Variants in DSCAM observed in about 807,000 individuals in gnomAD.
The protein encoded by DSCAM is DS cell adhesion molecule.
In DSCAM, 47 loss-of-function variants were observed where a neutral mutation model predicts 217.7. That is an observed-to-expected ratio of 0.22 (90% CI 0.17 to 0.28). DSCAM has a LOEUF of 0.28. Among genes scored for constraint, DSCAM ranks in the 10% least tolerant of loss-of-function variants. The pLI is 1.00. For synonymous variants in DSCAM, 1,056 were observed against 1,015.3 expected, an observed-to-expected ratio of 1.04 and a Z score of -0.76; for missense variants, 2,080 against 2,618.3, an observed-to-expected ratio of 0.79 and a Z score of 4.49.
chr21:40,662,162 A>G (rs2090145656), intron 3 of DSCAM, among the ~76,000 whole-genome samples: 1 of 152,196 alleles, frequency 6.6e-6, no homozygotes, highest in Non-Finnish European at 1.5e-5. Flanking sequence ...AACACTGTGA[A>G]AAGACAGAAG....
At chr21:40,327,888 C>A (rs1370549827) in intron 8 of DSCAM, among the ~76,000 whole-genome samples, 1 of 152,066 alleles carries the variant, frequency 6.6e-6, no homozygotes, top group Non-Finnish European at 1.5e-5. Context: ...AAAACAATCT[C>A]ATTTACAATA....
intron 8 of DSCAM, among the ~76,000 whole-genome samples, chr21:40,334,713 T>A (rs1422535774): frequency 9.6e-6 from 1 of 104,348 alleles, no homozygotes; most frequent in Non-Finnish European, 2.0e-5. Context: ...GCAAATATAG[T>A]GCACCACAAC....
rs549524045 is a variant in DSCAM, at chr21:40,153,605, G to A, written c.3019-8874C>T. Among the ~76,000 whole-genome samples, 15 of 152,298 alleles carry A rather than the reference G, an allele frequency of 9.8e-5. No individual in the cohort carries two copies. In the East Asian group the frequency reaches 2.9e-3, roughly 29 times the overall value. On this transcript the variant is annotated intron_variant, in intron 16 of 32. Coordinates refer to ENST00000400454, the MANE Select transcript of DSCAM (RefSeq NM_001389.5). ...ATATCTACGGGACAGAACCTATGGA[G>A]CCTGTATGTAGTGGTATGGTGCGCT... is the stretch of plus-strand genomic sequence containing the variant.
chr21:40,050,580 T>A (rs2088914487), intron 30 of DSCAM, among the ~76,000 whole-genome samples: 1 of 152,058 alleles, frequency 6.6e-6, no homozygotes, highest in Non-Finnish European at 1.5e-5. Context: ...CCTCCCAGGT[T>A]CACGCCATTC....
chr21:40,386,167 C>A (rs565953223), intron 3 of DSCAM, among the ~76,000 whole-genome samples: 1 of 151,976 alleles, frequency 6.6e-6, no homozygotes, highest in Non-Finnish European at 1.5e-5. Flanking sequence ...TGCCTAGGCC[C>A]GCCTCACCGC....
intron 1 of DSCAM, among the ~76,000 whole-genome samples, chr21:40,771,007 TCATGGTAAACACGAGGCAGCCTGGA>T (rs1381413195): frequency 6.6e-6 from 1 of 152,162 alleles, no homozygotes; most frequent in Non-Finnish European, 1.5e-5. Flanking sequence ...GCCAAGGGGA[TCATGGTAAACACGAGGCAGCCTGGA>T]CATGGCATAG....
intron 3 of DSCAM, among the ~76,000 whole-genome samples, chr21:40,538,005 A>G (rs1467014182): frequency 6.6e-6 from 1 of 152,204 alleles, no homozygotes; most frequent in East Asian, 1.9e-4. Context: ...AGAGCGCTCA[A>G]TAAATGCTAA....
chr21:40,474,544 G>A (rs902711122), intron 3 of DSCAM, among the ~76,000 whole-genome samples: 9 of 152,102 alleles, frequency 5.9e-5, no homozygotes, highest in Admixed American at 1.3e-4. Context: ...CAGCAGCCGC[G>A]GGAGCTGCCG....
At chr21:40,315,011 C>T (rs2074180321) in intron 8 of DSCAM, among the ~76,000 whole-genome samples, 1 of 152,154 alleles carries the variant, frequency 6.6e-6, no homozygotes. Flanking sequence ...CTAATTTTCT[C>T]TATCAGTTAC....
intron 3 of DSCAM, among the ~76,000 whole-genome samples, chr21:40,625,363 A>G (rs902508169): frequency 5.3e-5 from 8 of 152,180 alleles, no homozygotes; most frequent in South Asian, 4.1e-4. Flanking sequence ...TTCTCCAGAA[A>G]CCAGCTATCC....
At chr21:40,141,666 C>T (rs1035582235) in intron 18 of DSCAM, among the ~76,000 whole-genome samples, 3 of 151,682 alleles carry the variant, frequency 2.0e-5, no homozygotes, top group South Asian at 2.1e-4. Flanking sequence ...TGTCCAGTGA[C>T]GGGGGGTGCA....
intron 11 of DSCAM, among the ~76,000 whole-genome samples, chr21:40,207,232 T>C (rs1421077758): frequency 4.6e-5 from 7 of 152,206 alleles, no homozygotes; most frequent in African/African-American, 1.7e-4. Context: ...ATTAAACAAA[T>C]GGAAATTTCA....
rs559047835 is a variant in DSCAM, at chr21:40,138,702, T to G, written c.3406+3856A>C. The stretch of plus-strand genomic sequence containing the variant: ...TATGTGTGGTGTGGTGTGTGGTGTA[T>G]GTGTGGTGTGTGTGGTGTGTATGTA... On this transcript the variant is annotated intron_variant, in intron 18 of 32. Coordinates refer to ENST00000400454, the MANE Select transcript of DSCAM (RefSeq NM_001389.5). Among the ~76,000 whole-genome samples, 433 of 144,384 alleles carry G rather than the reference T, an allele frequency of 3.0e-3. 2 individuals are homozygous for G. The highest frequency in any genetic ancestry group is 0.011 in the African/African-American group (409 of 38,214). The allele number at this position is 144,384 out of a possible 152,430, so 94.7% of individuals were successfully genotyped here.
chr21:40,672,141 C>T (rs1286007061), intron 3 of DSCAM, among the ~76,000 whole-genome samples: 1 of 152,042 alleles, frequency 6.6e-6, no homozygotes, highest in Non-Finnish European at 1.5e-5. Context: ...GCCCTGATGC[C>T]CTCATTTAAT....
intron 20 of DSCAM, among the ~76,000 whole-genome samples, chr21:40,119,101 C>T (rs1232454910): frequency 6.6e-6 from 1 of 152,046 alleles, no homozygotes; most frequent in East Asian, 1.9e-4. Flanking sequence ...TGAGCATGAT[C>T]GTGAAAGAAA....
At chr21:40,599,559 C>G (rs2077047092) in intron 3 of DSCAM, among the ~76,000 whole-genome samples, 1 of 151,990 alleles carries the variant, frequency 6.6e-6, no homozygotes, top group East Asian at 1.9e-4. Context: ...GCTAGAGAAG[C>G]AAGAGCAAAC....
At chr21:40,234,717 C>T (rs1201033266) in intron 11 of DSCAM, among the ~76,000 whole-genome samples, 1 of 152,180 alleles carries the variant, frequency 6.6e-6, no homozygotes, top group African/African-American at 2.4e-5. Context: ...CATTTAAATG[C>T]ATCCAGTTGC....
chr21:40,320,273 T>C (rs901859382), intron 8 of DSCAM, among the ~76,000 whole-genome samples: 15 of 152,212 alleles, frequency 9.9e-5, no homozygotes, highest in Admixed American at 7.9e-4. Flanking sequence ...TCATATTATA[T>C]TGTAATTTTA....
At chr21:40,593,067 C>T (rs1040624839) in intron 3 of DSCAM, among the ~76,000 whole-genome samples, 8 of 152,136 alleles carry the variant, frequency 5.3e-5, no homozygotes, top group South Asian at 2.1e-4. Flanking sequence ...GTATTTTCTG[C>T]CCTAAACTGA....
Sources: allele counts gnomAD v4.1 joint callset (sites outside exome capture counted in the v4.1 genomes callset), GRCh38; gene constraint gnomAD v4.1.1; transcripts MANE v1.5; gene names NCBI Gene and HGNC (gene_info 2026-07-23, HGNC 2026-07-21).